The following KHDRBS2 variants were observed in gnomAD, a reference collection of about 807,000 sequenced individuals.
The protein encoded by KHDRBS2 is KH RNA binding domain containing, signal transduction associated 2.
Under a neutral mutation model 44.3 loss-of-function variants are expected in KHDRBS2, and 26 were observed. That is an observed-to-expected ratio of 0.59 (90% CI 0.43 to 0.81). The LOEUF is 0.81. Among genes scored for constraint, KHDRBS2 ranks in the 40% least tolerant of loss-of-function variants. The probability of loss-of-function intolerance (pLI) is 0.00; values close to 1 mark genes in which losing one functional copy is unlikely to be tolerated. For missense variants in KHDRBS2, 476 were observed against 433.1 expected, an observed-to-expected ratio of 1.10 and a Z score of -0.88; for synonymous variants, 194 against 151.1, an observed-to-expected ratio of 1.28 and a Z score of -2.08.
chr6:61,715,269 G>A (rs1416835422), intron 7 of KHDRBS2, among the ~76,000 whole-genome samples: 1 of 151,776 alleles, frequency 6.6e-6, no homozygotes, highest in African/African-American at 2.4e-5. Context: ...TAACTACATT[G>A]GCCTGGTGCA....
At chr6:61,754,298 C>T (rs1012631145) in intron 6 of KHDRBS2, among the ~76,000 whole-genome samples, 1 of 152,118 alleles carries the variant, frequency 6.6e-6, no homozygotes, top group African/African-American at 2.4e-5. Context: ...GAGCAATGAC[C>T]TGACCCATTA....
chr6:61,635,476 A>G, the KHDRBS2 span, among the ~76,000 whole-genome samples: 1 of 152,160 alleles, frequency 6.6e-6, no homozygotes, highest in East Asian at 1.9e-4. Flanking sequence ...GTTACTGACC[A>G]AGTGTAAATT....
At chr6:62,047,269 C>A (rs1787918608) in intron 3 of KHDRBS2, among the ~76,000 whole-genome samples, 1 of 151,796 alleles carries the variant, frequency 6.6e-6, no homozygotes, top group African/African-American at 2.4e-5. Flanking sequence ...GAGAAAATTG[C>A]TAACACTTTA....
intron 6 of KHDRBS2, among the ~76,000 whole-genome samples, chr6:61,740,824 T>G (rs1299037587): frequency 1.3e-5 from 2 of 151,848 alleles, no homozygotes; most frequent in African/African-American, 4.8e-5. Context: ...CGATTAAGAG[T>G]TGGTTTCAGG....
At chr6:62,164,515 C>T (rs1453349092) in intron 2 of KHDRBS2, among the ~76,000 whole-genome samples, 1 of 151,636 alleles carries the variant, frequency 6.6e-6, no homozygotes, top group Non-Finnish European at 1.5e-5. Context: ...CACAAAAATG[C>T]CTGCAATAAA....
At chr6:61,813,854 G>T in intron 6 of KHDRBS2, 1 of 449,976 alleles carries the variant, frequency 2.2e-6, no homozygotes. Flanking sequence ...ACCTTCCAGT[G>T]CATAGAAGTA....
the KHDRBS2 span, among the ~76,000 whole-genome samples, chr6:61,581,113 C>T: frequency 3.9e-5 from 6 of 152,140 alleles, no homozygotes; most frequent in Admixed American, 6.6e-5. Flanking sequence ...TACTCATCCC[C>T]AATACAAACT....
chr6:61,978,040 C>A, intron 4 of KHDRBS2, 26 bp downstream of exon 4: 1 of 1,556,850 alleles, frequency 6.4e-7, no homozygotes, highest in Non-Finnish European at 8.7e-7. Context: ...TAAGAAACAT[C>A]TTTGTAAAAA....
chr6:61,875,871 T>C (rs2127309932), intron 6 of KHDRBS2, among the ~76,000 whole-genome samples: 1 of 152,194 alleles, frequency 6.6e-6, no homozygotes, highest in East Asian at 1.9e-4. Context: ...TATTTATTTA[T>C]TAAATTATTA....
At chr6:62,247,649 C>T (rs1428677085) in intron 1 of KHDRBS2, among the ~76,000 whole-genome samples, 1 of 152,046 alleles carries the variant, frequency 6.6e-6, no homozygotes, top group Non-Finnish European at 1.5e-5. Flanking sequence ...CTAAGCATCA[C>T]ATCTTTCATT....
chr6:61,586,611 T>A, the KHDRBS2 span, among the ~76,000 whole-genome samples: 1 of 152,308 alleles, frequency 6.6e-6, no homozygotes, highest in South Asian at 2.1e-4. Flanking sequence ...TTTCTTGATA[T>A]CAATCTATGA....
chr6:61,592,883 T>C, the KHDRBS2 span, among the ~76,000 whole-genome samples: 6 of 152,122 alleles, frequency 3.9e-5, no homozygotes, highest in Non-Finnish European at 7.3e-5. Context: ...GTCAGGTCAG[T>C]TAAATAGTTG....
At chr6:61,622,804 T>C in the KHDRBS2 span, among the ~76,000 whole-genome samples, 1 of 152,046 alleles carries the variant, frequency 6.6e-6, no homozygotes, top group Non-Finnish European at 1.5e-5. Flanking sequence ...AGAATGAGAA[T>C]ATGATAGGGG....
intron 4 of KHDRBS2, among the ~76,000 whole-genome samples, chr6:61,936,594 T>C (rs6935268): frequency 0.4 from 60,034 of 151,728 alleles, 12,042 homozygotes; most frequent in East Asian, 0.47. Flanking sequence ...TTTTATCTTA[T>C]GTTGGTTTCC....
chr6:61,989,509 T>TC (rs1267711362), intron 3 of KHDRBS2, among the ~76,000 whole-genome samples: 1 of 152,212 alleles, frequency 6.6e-6, no homozygotes, highest in Non-Finnish European at 1.5e-5. Context: ...TTGGGCCTAC[T>TC]TATTGTTTTC....
chr6:61,979,714 T>TATC (rs1773447964), intron 3 of KHDRBS2, among the ~76,000 whole-genome samples: 1 of 152,130 alleles, frequency 6.6e-6, no homozygotes, highest in Non-Finnish European at 1.5e-5. Context: ...AGTGCCCAAT[T>TATC]ATCAGTTTGG....
chr6:62,109,886 A>G (rs1804600009), intron 2 of KHDRBS2, among the ~76,000 whole-genome samples: 1 of 151,928 alleles, frequency 6.6e-6, no homozygotes, highest in Non-Finnish European at 1.5e-5. Context: ...CTAAAAATAG[A>G]TTCCATACTT....
At chr6:61,843,341 TTTA>T (rs70993183) in intron 6 of KHDRBS2, among the ~76,000 whole-genome samples, 40,629 of 143,164 alleles carry the variant, frequency 0.28, 5,913 homozygotes, top group East Asian at 0.48. Context: ...TTATATCTAT[TTTA>T]TTATTATTAT....
intron 4 of KHDRBS2, among the ~76,000 whole-genome samples, chr6:61,931,952 A>G (rs1810133684): frequency 2.0e-5 from 3 of 152,164 alleles, no homozygotes; most frequent in South Asian, 4.1e-4. Context: ...AATAGTAAAT[A>G]TATTTTCTCT....
Sources: gnomAD v4.1 joint callset for allele counts (sites outside exome capture counted in the v4.1 genomes callset) on GRCh38, gnomAD v4.1.1 for gene constraint, MANE v1.5 for transcripts, NCBI Gene and HGNC (gene_info 2026-07-23, HGNC 2026-07-21) for gene names.